The following LGMN variants were observed in gnomAD, a reference collection of about 807,000 sequenced individuals.
LGMN encodes asparaginyl endopeptidase.
In LGMN, 36 loss-of-function variants were observed where a neutral mutation model predicts 56.8. The ratio of observed to expected loss-of-function variants is 0.63; its 90% CI spans 0.49 to 0.84. LGMN has a LOEUF of 0.84. Ranked by LOEUF, LGMN falls within the 40% of genes least tolerant of loss-of-function variation. LGMN has a pLI of 0.00. For synonymous variants in LGMN, 199 were observed against 210.1 expected (o/e 0.95, Z 0.46); for missense variants, 446 against 556.1 (o/e 0.80, Z 1.99).
chr14:92,728,386 C>T (rs1329996524), intron 2 of LGMN, among the ~76,000 whole-genome samples: 1 of 152,202 alleles, frequency 6.6e-6, no homozygotes, highest in Admixed American at 6.5e-5. Context: ...TTTGTTATAA[C>T]GCTCAGATGG....
Position 92,711,592 on chromosome 14 carries a change from A to G in LGMN, c.819+67T>C. 3 of 1,366,264 alleles carry G rather than the reference A, an allele frequency of 2.2e-6. No individual in the cohort carries two copies. The Admixed American group carries it at 5.0e-5, about 23-fold the overall frequency. The allele number at this position is 1,366,264 out of a possible 1,614,324, so 84.6% of individuals were successfully genotyped here. On this transcript the variant is annotated intron_variant, in intron 10 of 13. Coordinates refer to ENST00000334869, the MANE Select transcript of LGMN (RefSeq NM_005606.7). ...TCCCATGTCTCTTTAGCAAGAGATCAATATTCCAGGCAAGTCCACCTAGGA... is the reference window on the plus strand; with the variant it reads ...TCCCATGTCTCTTTAGCAAGAGATCGATATTCCAGGCAAGTCCACCTAGGA...
intron 1 of LGMN, among the ~76,000 whole-genome samples, chr14:92,737,245 C>T (rs1402538523): frequency 6.6e-6 from 1 of 152,168 alleles, no homozygotes; most frequent in Admixed American, 6.6e-5. Flanking sequence ...TATCATTCCT[C>T]TGGTTCCCCG....
At chr14:92,725,827 G>T (rs1485638102) in intron 2 of LGMN, among the ~76,000 whole-genome samples, 4 of 151,946 alleles carry the variant, frequency 2.6e-5, no homozygotes, top group Non-Finnish European at 4.4e-5. Flanking sequence ...CACCTACCTT[G>T]GTCTCCCAAA....
intron 2 of LGMN, among the ~76,000 whole-genome samples, chr14:92,725,095 C>T (rs1254835882): frequency 6.6e-6 from 1 of 152,204 alleles, no homozygotes; most frequent in African/African-American, 2.4e-5. Context: ...GAGGTCTGAG[C>T]AAATCCAGAG....
intron 2 of LGMN, among the ~76,000 whole-genome samples, chr14:92,719,139 C>T (rs1341894621): frequency 2.5e-4 from 36 of 145,280 alleles, no homozygotes; most frequent in African/African-American, 7.0e-4. Flanking sequence ...CCACCGCCAC[C>T]GCCACCACCA....
At chr14:92,729,158 G>A (rs1314833250) in intron 2 of LGMN, among the ~76,000 whole-genome samples, 2 of 116,344 alleles carry the variant, frequency 1.7e-5, no homozygotes, top group African/African-American at 6.9e-5. Context: ...TGTTCGTTCT[G>A]GGATTGCGCC....
At chr14:92,710,505 T>C (rs141592662) in intron 10 of LGMN, among the ~76,000 whole-genome samples, 1 of 152,328 alleles carries the variant, frequency 6.6e-6, no homozygotes, top group African/African-American at 2.4e-5. Flanking sequence ...CAGGCTCGAT[T>C]TGGCTGTAGC....
chr14:92,732,482 T>G (rs1179751913), intron 2 of LGMN, 167 bp downstream of exon 2: 6 of 711,410 alleles, frequency 8.4e-6, no homozygotes, highest in Admixed American at 2.8e-5. Flanking sequence ...TGGCAACATA[T>G]GAGGGTTCTG....
chr14:92,738,999 C>T (rs1891430420), intron 1 of LGMN, among the ~76,000 whole-genome samples: 1 of 144,500 alleles, frequency 6.9e-6, no homozygotes, highest in Non-Finnish European at 1.5e-5. Flanking sequence ...AGCCTGGTGA[C>T]AGAGCAAGAC....
At position 92,729,122 on chromosome 14, in the gene LGMN, CTTTTCTTTTTTTTTTT is replaced by C. The variant is rs1181773496; in HGVS notation, c.138+3511_138+3526del. Among the ~76,000 whole-genome samples, 1,366 of 142,884 alleles carry C rather than the reference CTTTTCTTTTTTTTTTT, an allele frequency of 9.6e-3. 15 individuals carry two copies. Among genetic ancestry groups the C allele is most frequent in the African/African-American group, 0.034 (1,297 of 37,942 alleles). The allele number at this position is 142,884 out of a possible 152,430, so 93.7% of individuals were successfully genotyped here. ...TCCTGGGCCACTTCCACCTGCTCAG[CTTTTCTTTTTTTTTTT>C]TTTTTTTTTTGTTCGTTCTGGGATT... On this transcript the variant is annotated intron_variant, in intron 2 of 13. Transcript: ENST00000334869.
At position 92,703,867 on chromosome 14, in the gene LGMN, C is replaced by T. The variant is rs1889279000; in HGVS notation, c.*452G>A. ...ACTTGAACACCTGCAGAATTAAATACAAAAGCAATCAAAAATCATCATATT... is the reference window on the plus strand; with the variant it reads ...ACTTGAACACCTGCAGAATTAAATATAAAAGCAATCAAAAATCATCATATT... On this transcript the variant is annotated 3_prime_UTR_variant, in exon 14 of 14. Transcript: ENST00000334869. The T allele has an allele frequency of 5.1e-6, 2 of 393,634 alleles. No homozygotes were observed. Among genetic ancestry groups the T allele is most frequent in the South Asian group, 4.8e-5 (2 of 41,940 alleles). 24.4% of individuals were successfully genotyped at this position (393,634 alleles called of 1,614,324 possible).
At chr14:92,732,843 C>A (rs1054786143) in intron 1 of LGMN, 28 bp from the exon 2 acceptor site, 1 of 1,582,264 alleles carries the variant, frequency 6.3e-7, no homozygotes, top group Non-Finnish European at 8.6e-7. Context: ...GAGTCAAGTA[C>A]AAAGCAACAA....
chr14:92,723,738 AC>A (rs199611029), intron 2 of LGMN, among the ~76,000 whole-genome samples: 2 of 124,370 alleles, frequency 1.6e-5, no homozygotes, highest in African/African-American at 5.8e-5. Flanking sequence ...TGCCCAAACA[AC>A]TTTTTTTTTT....
chr14:92,739,003 G>A (rs1891430669), intron 1 of LGMN, among the ~76,000 whole-genome samples: 1 of 147,856 alleles, frequency 6.8e-6, no homozygotes, highest in Non-Finnish European at 1.5e-5. Context: ...TGGTGACAGA[G>A]CAAGACTCTG....
chr14:92,743,226 G>A lies in LGMN; in HGVS notation c.-30+5263C>T, dbSNP rs938006199. ...TGGGATTAAAACAAAATCCAGGGCC[G>A]GGCAGTGGCTCACGCCTGTAATCCC... On this transcript the variant is annotated intron_variant, in intron 1 of 13. Transcript: ENST00000334869. 9.9e-5 allele frequency among the ~76,000 whole-genome samples: 15 copies of A among 152,226 alleles called. 1 individual carries two copies. Among genetic ancestry groups the A allele is most frequent in the African/African-American group, 2.6e-4 (11 of 41,540 alleles).
intron 1 of LGMN, among the ~76,000 whole-genome samples, chr14:92,740,788 T>C (rs1891514724): frequency 6.6e-6 from 1 of 152,182 alleles, no homozygotes; most frequent in African/African-American, 2.4e-5. Flanking sequence ...GAACAAGCCT[T>C]TACAGACTTC....
At chr14:92,706,364 C>A in intron 12 of LGMN, 119 bp downstream of exon 12, 1 of 794,512 alleles carries the variant, frequency 1.3e-6, no homozygotes, top group Non-Finnish European at 1.9e-6. Flanking sequence ...CTGAAATGAG[C>A]CCACTGTTTC....
intron 2 of LGMN, among the ~76,000 whole-genome samples, chr14:92,719,201 A>ACCAT (rs1890254281): frequency 2.2e-5 from 1 of 45,428 alleles, no homozygotes; most frequent in Admixed American, 1.8e-4. Flanking sequence ...ACCGCCACCA[A>ACCAT]CACCACCACC....
chr14:92,729,816 G>T (rs1341436120), intron 2 of LGMN, among the ~76,000 whole-genome samples: 1 of 152,200 alleles, frequency 6.6e-6, no homozygotes, highest in Non-Finnish European at 1.5e-5. Flanking sequence ...CCCTTGGCAG[G>T]GAGGGCTGAG....
Sources: allele counts gnomAD v4.1 joint callset (sites outside exome capture counted in the v4.1 genomes callset), GRCh38; gene constraint gnomAD v4.1.1; transcripts MANE v1.5; gene names NCBI Gene and HGNC (gene_info 2026-07-23, HGNC 2026-07-21).